RARB: variants seen among roughly 807,000 people sequenced by gnomAD.
The protein encoded by RARB is retinoic acid receptor beta, also known as HBV-activated protein.
Under a neutral mutation model 51.9 loss-of-function variants are expected in RARB, and 17 were observed. That is an observed-to-expected ratio of 0.33 (90% CI 0.22 to 0.49). The LOEUF (loss-of-function observed/expected upper bound fraction) is 0.49. RARB is among the 20% of genes least tolerant of loss of function. The pLI, the probability that RARB is intolerant of heterozygous loss-of-function variation, is 0.99. For missense variants in RARB, 369 were observed against 550.8 expected, an observed-to-expected ratio of 0.67 and a Z score of 3.30; for synonymous variants, 215 against 195.4, an observed-to-expected ratio of 1.10 and a Z score of -0.84.
chr3:25,311,000 A>T (rs1704276591), intron 5 of RARB, among the ~76,000 whole-genome samples: 1 of 152,238 alleles, frequency 6.6e-6, no homozygotes, highest in South Asian at 2.1e-4. Flanking sequence ...CTTCAAGTCC[A>T]ATGGAACAGA....
At chr3:25,266,416 C>A (rs2125409120) in intron 5 of RARB, among the ~76,000 whole-genome samples, 1 of 152,082 alleles carries the variant, frequency 6.6e-6, no homozygotes, top group South Asian at 2.1e-4. Flanking sequence ...TCTTTGTTGA[C>A]CTCAATTATT....
At chr3:25,177,237 T>C (rs1303550485) in intron 5 of RARB, among the ~76,000 whole-genome samples, 1 of 152,236 alleles carries the variant, frequency 6.6e-6, no homozygotes, top group African/African-American at 2.4e-5. Context: ...TTAAAGCCCG[T>C]GTTTTCAAAA....
At chr3:25,400,998 A>C (rs997688536) in intron 5 of RARB, among the ~76,000 whole-genome samples, 1 of 152,120 alleles carries the variant, frequency 6.6e-6, no homozygotes, top group African/African-American at 2.4e-5. Flanking sequence ...GAAATGCAAA[A>C]CTCATGCCCC....
At chr3:25,020,486 C>T (rs1359836610) in intron 2 of RARB, 1 of 152,092 alleles carries the variant, frequency 6.6e-6, no homozygotes, top group African/African-American at 2.4e-5. Flanking sequence ...GGCACAGTCT[C>T]ATAATCACTT....
intron 1 of RARB, among the ~76,000 whole-genome samples, chr3:25,455,579 G>A (rs1442141021): frequency 6.6e-6 from 1 of 152,166 alleles, no homozygotes; most frequent in Non-Finnish European, 1.5e-5. Flanking sequence ...AGCTTCCGAG[G>A]ACAATGCTGC....
At chr3:25,199,016 CA>C (rs1206814712) in intron 5 of RARB, among the ~76,000 whole-genome samples, 1 of 152,146 alleles carries the variant, frequency 6.6e-6, no homozygotes, top group Non-Finnish European at 1.5e-5. Context: ...GCACTATTCA[CA>C]ATGGCCAAGA....
chr3:25,243,971 A>G (rs907303793), intron 5 of RARB, among the ~76,000 whole-genome samples: 1 of 152,132 alleles, frequency 6.6e-6, no homozygotes, highest in Non-Finnish European at 1.5e-5. Context: ...GCTATTAATT[A>G]CTGCCTCAAT....
At chr3:25,392,686 G>C (rs1385310973) in intron 5 of RARB, among the ~76,000 whole-genome samples, 1 of 151,848 alleles carries the variant, frequency 6.6e-6, no homozygotes, top group Non-Finnish European at 1.5e-5. Flanking sequence ...TTAATTCTCA[G>C]CTTGGTCACT....
rs1418451590 is a variant in RARB at position 25,092,767 on chromosome 3, A to G, written c.-328+32591A>G. Among the ~76,000 whole-genome samples the G allele has an allele frequency of 2.6e-5, 4 of 152,142 alleles. No individual in the cohort carries two copies. The East Asian group carries it at 5.8e-4, about 22-fold the overall frequency. On this transcript the variant is annotated intron_variant, in intron 3 of 11. Transcript: ENST00000383772. ...TTACTGGTTATGGAGACATTTTTCC[A>G]CTGAATGGATTCCCAGATAATGTCA...
At chr3:25,320,820 C>T (rs1704550366) in intron 5 of RARB, among the ~76,000 whole-genome samples, 1 of 152,172 alleles carries the variant, frequency 6.6e-6, no homozygotes, top group Non-Finnish European at 1.5e-5. Context: ...CTCATCGGCT[C>T]CTGCTTCCTT....
At chr3:24,923,104 A>G (rs1325461281) in intron 2 of RARB, among the ~76,000 whole-genome samples, 1 of 152,330 alleles carries the variant, frequency 6.6e-6, no homozygotes, top group South Asian at 2.1e-4. Flanking sequence ...TAAAAGGTCA[A>G]GAGACCGGGT....
At chr3:25,543,747 A>C (rs1178435565) in intron 3 of RARB, among the ~76,000 whole-genome samples, 1 of 152,226 alleles carries the variant, frequency 6.6e-6, no homozygotes, top group Non-Finnish European at 1.5e-5. Context: ...TTTGACGAGA[A>C]GAGCAGTCAG....
At chr3:25,241,562 AGT>A (rs1483805821) in intron 5 of RARB, among the ~76,000 whole-genome samples, 3 of 152,120 alleles carry the variant, frequency 2.0e-5, no homozygotes, top group Admixed American at 6.6e-5. Flanking sequence ...GAGAACATGC[AGT>A]GTTTGGTTTT....
chr3:25,104,217 G>T (rs1426664422), intron 3 of RARB, among the ~76,000 whole-genome samples: 1 of 152,128 alleles, frequency 6.6e-6, no homozygotes. Context: ...GAAAAAGACG[G>T]ACAATACCAA....
intron 3 of RARB, among the ~76,000 whole-genome samples, chr3:25,070,460 A>G (rs1469408404): frequency 6.6e-6 from 1 of 152,214 alleles, no homozygotes; most frequent in Non-Finnish European, 1.5e-5. Context: ...TTCAATAAGC[A>G]CTTAACTAGA....
At chr3:25,357,055 G>A (rs1705765077) in intron 5 of RARB, among the ~76,000 whole-genome samples, 1 of 152,136 alleles carries the variant, frequency 6.6e-6, no homozygotes. Context: ...GGGTCAAATG[G>A]TATTTCTAGT....
chr3:25,218,290 C>T (rs1353021893), intron 5 of RARB, among the ~76,000 whole-genome samples: 2 of 151,898 alleles, frequency 1.3e-5, no homozygotes, highest in Non-Finnish European at 2.9e-5. Context: ...AGCCTTGCGC[C>T]CCCACCCAGT....
chr3:25,010,963 C>A (rs1158488942), intron 2 of RARB, among the ~76,000 whole-genome samples: 2 of 152,124 alleles, frequency 1.3e-5, no homozygotes, highest in African/African-American at 4.8e-5. Context: ...GCTTTCTTTT[C>A]ACATCCCTGC....
Position 25,075,286 on chromosome 3 carries a change from G to A in RARB, c.-328+15110G>A, listed in dbSNP as rs186845210. ...ATCCAGCTCTGCTTCCCTATACCCCGTCTTTCTCAGTTAATAAAAATTGTC... is the reference window on the plus strand; with the variant it reads ...ATCCAGCTCTGCTTCCCTATACCCCATCTTTCTCAGTTAATAAAAATTGTC... On this transcript the variant is annotated intron_variant, in intron 3 of 11. Transcript: ENST00000383772. Among the ~76,000 whole-genome samples the A allele has an allele frequency of 2.0e-3, 301 of 152,138 alleles. 2 individuals carry two copies. The highest frequency in any genetic ancestry group is 2.1e-3 in the Non-Finnish European group (143 of 68,016).
Sources: allele counts gnomAD v4.1 joint callset (sites outside exome capture counted in the v4.1 genomes callset), GRCh38; gene constraint gnomAD v4.1.1; transcripts MANE v1.5; gene names NCBI Gene and HGNC (gene_info 2026-07-23, HGNC 2026-07-21).